The following LRIG3 variants were observed in gnomAD, a reference collection of about 807,000 sequenced individuals.
LRIG3 encodes the protein leucine rich repeats and immunoglobulin like domains 3.
Under a neutral mutation model 114.5 loss-of-function variants are expected in LRIG3, and 76 were observed. The observed-to-expected ratio is 0.66, with a 90% confidence interval of 0.55 to 0.80. The LOEUF (loss-of-function observed/expected upper bound fraction) is 0.80, where lower values mean the gene tolerates loss of function less well. LRIG3 is among the 30% of genes least tolerant of loss of function. LRIG3 has a pLI of 0.00. For synonymous variants in LRIG3, 512 were observed against 519.8 expected (o/e 0.98, Z 0.20); for missense variants, 1,239 against 1,382.8 (o/e 0.90, Z 1.65).
chr12:58,920,256 C>G lies in LRIG3; in HGVS notation c.-21G>C. On this transcript the variant is annotated 5_prime_UTR_variant, in exon 1 of 19. Coordinates refer to ENST00000320743, the MANE Select transcript of LRIG3 (RefSeq NM_153377.5). Reference sequence around the variant, plus strand: ...CTCATCGCGGTCCAGCGGCCTAGGTCTCTACCCGAAGCTCCCAGCCGGCGC... The same window carrying G: ...CTCATCGCGGTCCAGCGGCCTAGGTGTCTACCCGAAGCTCCCAGCCGGCGC... 1.5e-6 allele frequency: 2 copies of G among 1,331,672 alleles called. No individual in the cohort carries two copies. Among genetic ancestry groups the G allele is most frequent in the East Asian group, 3.1e-5 (1 of 32,000 alleles). The allele number at this position is 1,331,672 out of a possible 1,614,324, so 82.5% of individuals were successfully genotyped here.
At chr12:58,897,964 C>A (rs1024383519) in intron 3 of LRIG3, among the ~76,000 whole-genome samples, 1 of 152,044 alleles carries the variant, frequency 6.6e-6, no homozygotes, top group African/African-American at 2.4e-5. Context: ...TTTGGTTCCC[C>A]AGAATTCGGG....
At position 58,874,041 on chromosome 12, in the gene LRIG3, C is replaced by T; in HGVS notation, c.3115+14G>A. ...GATCCTCAGACGAGGTACCTGATAA[C>T]TTAATAAACTTACCCATGAAAGAAT... is the stretch of plus-strand genomic sequence containing the variant. On this transcript the variant is annotated intron_variant, in intron 18 of 18. Coordinates refer to ENST00000320743, the MANE Select transcript of LRIG3 (RefSeq NM_153377.5). 6 of 1,613,894 alleles carry T rather than the reference C, an allele frequency of 3.7e-6. No individual in the cohort carries two copies. The highest frequency in any genetic ancestry group is 5.1e-6 in the Non-Finnish European group (6 of 1,179,880).
At chr12:58,908,527 GGC>G (rs1872155053) in intron 3 of LRIG3, among the ~76,000 whole-genome samples, 1 of 152,060 alleles carries the variant, frequency 6.6e-6, no homozygotes, top group Non-Finnish European at 1.5e-5. Flanking sequence ...CATACTCCAG[GGC>G]ATACACTCAC....
At chr12:58,879,178 T>C in intron 13 of LRIG3, 73 bp from the exon 14 acceptor site, 1 of 1,424,414 alleles carries the variant, frequency 7.0e-7, no homozygotes, top group Middle Eastern at 1.9e-4. Context: ...CTTTTTATTA[T>C]TTGTTTGTTT....
intron 3 of LRIG3, among the ~76,000 whole-genome samples, chr12:58,906,240 C>T (rs1361660499): frequency 1.3e-5 from 2 of 152,112 alleles, no homozygotes; most frequent in African/African-American, 4.8e-5. Flanking sequence ...AAACTGATGA[C>T]CACTTTTCAA....
At chr12:58,896,543 A>C (rs1014776298) in intron 3 of LRIG3, among the ~76,000 whole-genome samples, 1 of 152,238 alleles carries the variant, frequency 6.6e-6, no homozygotes, top group East Asian at 1.9e-4. Context: ...TAGTACACGG[A>C]TAACAGGCAG....
chr12:58,877,361 A>C lies in LRIG3; in HGVS notation c.2536+39T>G, dbSNP rs769922198. On this transcript the variant is annotated intron_variant, in intron 15 of 18. Coordinates refer to ENST00000320743, the MANE Select transcript of LRIG3 (RefSeq NM_153377.5). The stretch of plus-strand genomic sequence containing the variant: ...AGTATTTGCAGAACCACAAATACAC[A>C]TGACTCCGGTGACCTGTGCCAAGCT... 8 of 1,592,080 alleles carry C rather than the reference A, an allele frequency of 5.0e-6. No homozygotes were observed. The African/African-American group carries it at 9.4e-5, about 19-fold the overall frequency.
At position 58,920,298 on chromosome 12, in the gene LRIG3, A is replaced by C. The variant is rs1872628137; in HGVS notation, c.-63T>G. 1 of 1,241,192 alleles carries C rather than the reference A, an allele frequency of 8.1e-7. No individual in the cohort carries two copies. Among genetic ancestry groups the C allele is most frequent in the South Asian group, 2.4e-5 (1 of 42,372 alleles). The allele number at this position is 1,241,192 out of a possible 1,614,324, so 76.9% of individuals were successfully genotyped here. A position where few individuals can be genotyped will look rare whatever the true frequency, so the allele number is the denominator to read the frequency against. On this transcript the variant is annotated 5_prime_UTR_variant, in exon 1 of 19. Transcript: ENST00000320743. ...AGCCGGCGCGCGCTCGGGGCCCGGC[A>C]CAAACTTCCAGCCGAGGGTGCACGC...
In LRIG3 at chr12:58,880,359, T is replaced by A. The variant is rs1871083275; in HGVS notation, c.1801+222A>T. 8 of 690,042 alleles carry A rather than the reference T, an allele frequency of 1.2e-5. No individual in the cohort carries two copies. In the Admixed American group the frequency reaches 1.4e-4, roughly 12 times the overall value. The allele number at this position is 690,042 out of a possible 1,614,324, so 42.7% of individuals were successfully genotyped here. A position where few individuals can be genotyped will look rare whatever the true frequency, so the allele number is the denominator to read the frequency against. On this transcript the variant is annotated intron_variant, in intron 13 of 18. Coordinates refer to ENST00000320743, the MANE Select transcript of LRIG3 (RefSeq NM_153377.5). ...CAAAAACATGTCTGGTTCATCTCTG[T>A]GTTACTCACCACACTGAGTACGGTG... is the stretch of plus-strand genomic sequence containing the variant.
At position 58,872,448 on chromosome 12, in the gene LRIG3, T is replaced by C; in HGVS notation, c.*124A>G. On this transcript the variant is annotated 3_prime_UTR_variant, in exon 19 of 19. Coordinates refer to ENST00000320743, the MANE Select transcript of LRIG3 (RefSeq NM_153377.5). ...TTTTTGTAATTTTGGTTCATCTGTATAAATAAAGCATTTTTATCCTTTTAA... is the reference window on the plus strand; with the variant it reads ...TTTTTGTAATTTTGGTTCATCTGTACAAATAAAGCATTTTTATCCTTTTAA... 1 of 1,166,752 alleles carries C rather than the reference T, an allele frequency of 8.6e-7. No homozygotes were observed. Among genetic ancestry groups the C allele is most frequent in the Non-Finnish European group, 1.1e-6 (1 of 882,578 alleles). The allele number at this position is 1,166,752 out of a possible 1,614,324, so 72.3% of individuals were successfully genotyped here. A position where few individuals can be genotyped will look rare whatever the true frequency, so the allele number is the denominator to read the frequency against.
intron 3 of LRIG3, among the ~76,000 whole-genome samples, chr12:58,904,520 A>G (rs960078022): frequency 1.3e-5 from 2 of 152,202 alleles, no homozygotes; most frequent in African/African-American, 4.8e-5. Flanking sequence ...TATCGGTAAT[A>G]CAAGAGTTTT....
intron 15 of LRIG3, 83 bp from the exon 16 acceptor site, chr12:58,876,686 T>C (rs1870930443): frequency 6.8e-7 from 1 of 1,464,208 alleles, no homozygotes; most frequent in African/African-American, 1.4e-5. Context: ...GCATAGACTA[T>C]TTTGGCTTCT....
At chr12:58,912,322 C>T (rs1034942789) in intron 3 of LRIG3, among the ~76,000 whole-genome samples, 1 of 152,088 alleles carries the variant, frequency 6.6e-6, no homozygotes, top group African/African-American at 2.4e-5. Context: ...CGGTGAAACC[C>T]CCTCTCTACT....
At position 58,907,696 on chromosome 12, in the gene LRIG3, AGTCT is replaced by A. The variant is rs1393565222; in HGVS notation, c.383+6282_383+6285del. 5.3e-5 allele frequency among the ~76,000 whole-genome samples: 8 copies of A among 152,344 alleles called. No individual in the cohort carries two copies. In the East Asian group the frequency reaches 1.3e-3, roughly 26 times the overall value. ...CAGATAAACAAAGAAAAGTTAATTA[AGTCT>A]GTCTAAGGTCAGACAGGTTAGTAGT... is the stretch of plus-strand genomic sequence containing the variant. On this transcript the variant is annotated intron_variant, in intron 3 of 18. Coordinates refer to ENST00000320743, the MANE Select transcript of LRIG3 (RefSeq NM_153377.5).
At chr12:58,899,666 A>C (rs1871772789) in intron 3 of LRIG3, among the ~76,000 whole-genome samples, 1 of 151,354 alleles carries the variant, frequency 6.6e-6, no homozygotes, top group South Asian at 2.1e-4. Context: ...CTCATTTCTC[A>C]TTTGTTTCAA....
At chr12:58,908,600 T>C (rs952352714) in intron 3 of LRIG3, among the ~76,000 whole-genome samples, 4 of 152,208 alleles carry the variant, frequency 2.6e-5, no homozygotes, top group Non-Finnish European at 5.9e-5. Flanking sequence ...TTTTTTACTT[T>C]TAATTATTGC....
At chr12:58,902,519 T>C (rs1871895644) in intron 3 of LRIG3, among the ~76,000 whole-genome samples, 1 of 152,194 alleles carries the variant, frequency 6.6e-6, no homozygotes, top group Non-Finnish European at 1.5e-5. Flanking sequence ...CAGGTGATTT[T>C]AAGTATTAGA....
At chr12:58,897,538 A>G (rs1306076944) in intron 3 of LRIG3, among the ~76,000 whole-genome samples, 2 of 152,188 alleles carry the variant, frequency 1.3e-5, no homozygotes, top group Non-Finnish European at 2.9e-5. Flanking sequence ...TAAGGCCAGG[A>G]GTTCAAATCC....
chr12:58,916,958 C>T (rs959485154), intron 1 of LRIG3, among the ~76,000 whole-genome samples: 44 of 152,168 alleles, frequency 2.9e-4, no homozygotes, highest in African/African-American at 1.1e-3. Flanking sequence ...CCACTGGGGC[C>T]TGCAGAGCTG....
Sources: allele counts gnomAD v4.1 joint callset (sites outside exome capture counted in the v4.1 genomes callset), GRCh38; gene constraint gnomAD v4.1.1; transcripts MANE v1.5; gene names NCBI Gene and HGNC (gene_info 2026-07-23, HGNC 2026-07-21).